Variants in TSPAN18 observed in about 807,000 individuals in gnomAD.
The protein encoded by TSPAN18 is tetraspanin 18.
TSPAN18 carries 14 observed loss-of-function variants against 27.3 expected under a neutral mutation model. The observed-to-expected ratio is 0.51, with a 90% CI of 0.34 to 0.80. TSPAN18 has a LOEUF of 0.80. Ranked by LOEUF, TSPAN18 falls within the 30% of genes least tolerant of loss-of-function variation. TSPAN18 has a pLI of 0.01. For synonymous variants in TSPAN18, 143 were observed against 136.5 expected (o/e 1.05, Z -0.33); for missense variants, 268 against 323.9 (o/e 0.83, Z 1.32).
At chr11:44,899,133 A>G (rs536675050) in intron 3 of TSPAN18, among the ~76,000 whole-genome samples, 2 of 152,318 alleles carry the variant, frequency 1.3e-5, no homozygotes, top group African/African-American at 4.8e-5. Context: ...CCGGGTACAA[A>G]CAGGGAGTGG....
chr11:44,891,913 C>G (rs1028292102), intron 3 of TSPAN18, among the ~76,000 whole-genome samples: 3 of 152,124 alleles, frequency 2.0e-5, no homozygotes, highest in Non-Finnish European at 4.4e-5. Context: ...GTGAATGAAT[C>G]AAGAGTGTTA....
chr11:44,743,024 C>T (rs1340517729), intron 1 of TSPAN18, among the ~76,000 whole-genome samples: 3 of 152,228 alleles, frequency 2.0e-5, no homozygotes, highest in African/African-American at 7.2e-5. Flanking sequence ...TACATGGAGG[C>T]TTCTTAGGAA....
chr11:44,817,703 G>C (rs942855982), intron 2 of TSPAN18, among the ~76,000 whole-genome samples: 2 of 152,244 alleles, frequency 1.3e-5, no homozygotes, highest in African/African-American at 4.8e-5. Flanking sequence ...TGAGGCTATA[G>C]CAAGAATGTG....
At chr11:44,889,928 G>A (rs835764) in intron 3 of TSPAN18, among the ~76,000 whole-genome samples, 13,454 of 152,282 alleles carry the variant, frequency 0.088, 713 homozygotes, top group East Asian at 0.19. Context: ...GGGCTTTTCC[G>A]ATGCTGACTG....
chr11:44,832,798 C>G (rs867463512), intron 2 of TSPAN18, among the ~76,000 whole-genome samples: 2 of 152,164 alleles, frequency 1.3e-5, no homozygotes, highest in African/African-American at 4.8e-5. Context: ...CCTCACCACC[C>G]ACTGACTTCA....
At chr11:44,885,762 A>T (rs1361092091) in intron 3 of TSPAN18, 1 of 152,138 alleles carries the variant, frequency 6.6e-6, no homozygotes, top group Admixed American at 6.5e-5. Flanking sequence ...TGCTTCTGTC[A>T]CGGTCTCTCT....
chr11:44,829,310 C>T (rs909520364), intron 2 of TSPAN18, among the ~76,000 whole-genome samples: 1 of 152,184 alleles, frequency 6.6e-6, no homozygotes, highest in Non-Finnish European at 1.5e-5. Flanking sequence ...TTTCACTAAC[C>T]CCCAAATCCT....
At chr11:44,790,611 C>T (rs890042534) in intron 2 of TSPAN18, among the ~76,000 whole-genome samples, 49 of 149,074 alleles carry the variant, frequency 3.3e-4, no homozygotes, top group African/African-American at 1.1e-3. Flanking sequence ...TGCATGTGTT[C>T]GTGTGTGTGT....
chr11:44,814,582 G>A (rs1856782761), intron 2 of TSPAN18, among the ~76,000 whole-genome samples: 1 of 152,158 alleles, frequency 6.6e-6, no homozygotes, highest in Non-Finnish European at 1.5e-5. Context: ...TATGCACCAA[G>A]CCTGAGTTAA....
chr11:44,876,470 G>A (rs1334549935), intron 3 of TSPAN18, among the ~76,000 whole-genome samples: 2 of 152,236 alleles, frequency 1.3e-5, no homozygotes, highest in Admixed American at 6.5e-5. Flanking sequence ...GAAGTAAACA[G>A]AAGGGACCAC....
At chr11:44,833,367 A>C (rs1165602590) in intron 2 of TSPAN18, among the ~76,000 whole-genome samples, 2 of 151,928 alleles carry the variant, frequency 1.3e-5, no homozygotes, top group African/African-American at 4.8e-5. Context: ...CAAATGGTGC[A>C]GCAAATGGTG....
At chr11:44,855,494 A>C (rs953366235) in intron 2 of TSPAN18, among the ~76,000 whole-genome samples, 1 of 152,184 alleles carries the variant, frequency 6.6e-6, no homozygotes, top group African/African-American at 2.4e-5. Flanking sequence ...AAGGTGGTTG[A>C]ATCTCACATT....
At position 44,929,396 on chromosome 11, in the gene TSPAN18, G is replaced by A; in HGVS notation, c.*218G>A. Reference sequence around the variant, plus strand: ...TGTATCCTCGCCTGGACTCAGGGCAGGTGCCGTGGGTTCTCCAGAGACCCC... The same window carrying A: ...TGTATCCTCGCCTGGACTCAGGGCAAGTGCCGTGGGTTCTCCAGAGACCCC... On this transcript the variant is annotated 3_prime_UTR_variant, in exon 10 of 10. Transcript: ENST00000520358. The A allele has an allele frequency of 1.6e-6, 1 of 607,582 alleles. No individual in the cohort carries two copies. The highest frequency in any genetic ancestry group is 2.8e-6 in the Non-Finnish European group (1 of 352,022). The allele number at this position is 607,582 out of a possible 1,614,324, so 37.6% of individuals were successfully genotyped here. A position where few individuals can be genotyped will look rare whatever the true frequency, so the allele number is the denominator to read the frequency against.
intron 3 of TSPAN18, among the ~76,000 whole-genome samples, chr11:44,867,146 G>T (rs1206626121): frequency 2.0e-5 from 3 of 152,080 alleles, no homozygotes; most frequent in African/African-American, 7.2e-5. Flanking sequence ...CTGGGAACCT[G>T]GATATGCAGA....
intron 5 of TSPAN18, among the ~76,000 whole-genome samples, chr11:44,913,712 G>A (rs1859805952): frequency 6.6e-6 from 1 of 152,242 alleles, no homozygotes; most frequent in Non-Finnish European, 1.5e-5. Context: ...GCCTGGAAAT[G>A]TTCCCAACTA....
At chr11:44,749,757 C>T (rs146970131) in intron 1 of TSPAN18, among the ~76,000 whole-genome samples, 3,886 of 151,794 alleles carry the variant, frequency 0.026, 60 homozygotes, top group Non-Finnish European at 0.041. Context: ...CTGCCTCAGC[C>T]TCCTGAGTAG....
chr11:44,820,559 C>T (rs574377109), intron 2 of TSPAN18, among the ~76,000 whole-genome samples: 14 of 152,296 alleles, frequency 9.2e-5, no homozygotes, highest in African/African-American at 2.9e-4. Flanking sequence ...CATTTTTGGG[C>T]AAGTTCCTTA....
rs376772647 is a variant in TSPAN18, at chr11:44,896,945, T to C, written c.-10-9462T>C. On this transcript the variant is annotated intron_variant, in intron 3 of 9. Coordinates refer to ENST00000520358, the MANE Select transcript of TSPAN18 (RefSeq NM_130783.5). Reference sequence around the variant, plus strand: ...GTGGGTTGAGGGAGGAAGGGAGGGATGGGTAAATGGGGAGGAATCTTTCAC... The same window carrying C: ...GTGGGTTGAGGGAGGAAGGGAGGGACGGGTAAATGGGGAGGAATCTTTCAC... 5.3e-5 allele frequency among the ~76,000 whole-genome samples: 8 copies of C among 152,190 alleles called. 1 individual carries two copies. The highest frequency in any genetic ancestry group is 1.3e-4 in the Admixed American group (2 of 15,284).
At chr11:44,914,910 CTAAG>C (rs1859849931) in intron 5 of TSPAN18, among the ~76,000 whole-genome samples, 1 of 152,160 alleles carries the variant, frequency 6.6e-6, no homozygotes, top group South Asian at 2.1e-4. Context: ...CCTCTGGGCT[CTAAG>C]TAACCATCTG....
Sources: gnomAD v4.1 joint callset for allele counts (sites outside exome capture counted in the v4.1 genomes callset) on GRCh38, gnomAD v4.1.1 for gene constraint, MANE v1.5 for transcripts, NCBI Gene and HGNC (gene_info 2026-07-23, HGNC 2026-07-21) for gene names.